The following NUP210 variants were observed in gnomAD, a reference collection of about 807,000 sequenced individuals.
NUP210 encodes the protein nuclear pore membrane glycoprotein 210.
A neutral mutation model predicts 196.0 loss-of-function variants in NUP210; 151 were observed. The ratio of observed to expected loss-of-function variants is 0.77; its 90% CI spans 0.67 to 0.88. The LOEUF (loss-of-function observed/expected upper bound fraction) is 0.88. Among genes scored for constraint, NUP210 ranks in the 40% least tolerant of loss-of-function variants. The probability of loss-of-function intolerance (pLI) is 0.00; values close to 1 mark genes in which losing one functional copy is unlikely to be tolerated. For synonymous variants in NUP210, 1,070 were observed against 1,052.7 expected (o/e 1.02, Z -0.32); for missense variants, 2,314 against 2,493.7 (o/e 0.93, Z 1.53).
At chr3:13,372,639 G>A (rs975688844) in intron 12 of NUP210, among the ~76,000 whole-genome samples, 1 of 152,182 alleles carries the variant, frequency 6.6e-6, no homozygotes, top group African/African-American at 2.4e-5. Context: ...GCTGGAGCCA[G>A]GAGAGAGGTA....
In NUP210 at chr3:13,320,632, C is replaced by CAA. The variant is rs35982089; in HGVS notation, c.5167-655_5167-654dup. ...TGGGCGACAGAGCGAGACTCCGTCT[C>CAA]AAAAAAAAAAAAAAAAAAACTTTGG... On this transcript the variant is annotated intron_variant, in intron 36 of 39. Transcript: ENST00000254508. 3.2e-3 allele frequency among the ~76,000 whole-genome samples: 218 copies of CAA among 67,330 alleles called. 5 individuals are homozygous for CAA. The South Asian group carries it at 0.039, about 12-fold the overall frequency. The allele number at this position is 67,330 out of a possible 152,430, so 44.2% of individuals were successfully genotyped here. A position where few individuals can be genotyped will look rare whatever the true frequency, so the allele number is the denominator to read the frequency against.
chr3:13,354,114 G>A lies in NUP210; in HGVS notation c.2329-7C>T, dbSNP rs1255764271. On this transcript the variant is annotated splice_region_variant and splice_polypyrimidine_tract_variant and intron_variant, in intron 16 of 39. Coordinates refer to ENST00000254508, the MANE Select transcript of NUP210 (RefSeq NM_024923.4). ...GGTGGCTGGACACTGGGACCTGCAG[G>A]GAACACAGGTCAGATGTTGTGGTCA... is the stretch of plus-strand genomic sequence containing the variant. 1.3e-6 allele frequency: 2 copies of A among 1,579,672 alleles called. No homozygotes were observed. Among genetic ancestry groups the A allele is most frequent in the East Asian group, 2.3e-5 (1 of 42,760 alleles).
At position 13,373,801 on chromosome 3, in the gene NUP210, C is replaced by T. The variant is rs775075188; in HGVS notation, c.1504G>A (p.Val502Met). 19 of 1,613,996 alleles carry T rather than the reference C, an allele frequency of 1.2e-5. No individual in the cohort carries two copies. The East Asian group carries it at 2.2e-4, about 19-fold the overall frequency. The change falls in exon 12 of 40, where the codon GTG becomes ATG. Residue 502 changes from valine (V) to methionine (M), a missense_variant. Coordinates refer to ENST00000254508, the MANE Select transcript of NUP210 (RefSeq NM_024923.4). ...HLVATVTVKG[V>M]MTTGSDIGFS... Reference sequence around the variant, plus strand: ...CCGATGTCACTGCCTGTGGTCATCACGCCCTTGACAGTAACTGTGGCAACC... The same window carrying T: ...CCGATGTCACTGCCTGTGGTCATCATGCCCTTGACAGTAACTGTGGCAACC...
chr3:13,405,539 C>T (rs768710937), intron 1 of NUP210, among the ~76,000 whole-genome samples: 3 of 151,676 alleles, frequency 2.0e-5, no homozygotes, highest in Non-Finnish European at 4.4e-5. Flanking sequence ...ATATATATAG[C>T]CTATTGAATA....
intron 1 of NUP210, among the ~76,000 whole-genome samples, chr3:13,410,639 C>G (rs1376952384): frequency 1.3e-5 from 2 of 150,694 alleles, no homozygotes; most frequent in Admixed American, 1.3e-4. Flanking sequence ...ACAAAAAGGC[C>G]GGGCACGGTG....
chr3:13,381,168 C>T (rs1053487320), intron 6 of NUP210, among the ~76,000 whole-genome samples: 4 of 152,248 alleles, frequency 2.6e-5, no homozygotes, highest in Non-Finnish European at 4.4e-5. Flanking sequence ...AGATAAATGT[C>T]AGAATAAAAT....
Position 13,336,935 on chromosome 3 carries a change from A to T in NUP210, c.3553-17T>A, listed in dbSNP as rs532630688. On this transcript the variant is annotated splice_polypyrimidine_tract_variant and intron_variant, in intron 26 of 39. Coordinates refer to ENST00000254508, the MANE Select transcript of NUP210 (RefSeq NM_024923.4). ...GATGGGCATCTGCAGGGGAGAAGTC[A>T]GGCCCAGTGAGCAGTAGCTCCCAGC... The T allele has an allele frequency of 6.2e-7, 1 of 1,612,436 alleles. No homozygotes were observed. The highest frequency in any genetic ancestry group is 1.3e-5 in the African/African-American group (1 of 75,042).
chr3:13,354,172 A>AGT (rs1698086670), intron 16 of NUP210, 65 bp from the exon 17 acceptor site: 1 of 1,395,334 alleles, frequency 7.2e-7, no homozygotes, highest in Non-Finnish European at 9.8e-7. Context: ...CTGACCACGC[A>AGT]GTGCACTCTG....
At chr3:13,410,444 C>T (rs1700131168) in intron 1 of NUP210, among the ~76,000 whole-genome samples, 1 of 150,794 alleles carries the variant, frequency 6.6e-6, no homozygotes, top group Non-Finnish European at 1.5e-5. Flanking sequence ...TCCCAAAGTG[C>T]TGGGATTACA....
In NUP210 at chr3:13,379,805, C is replaced by T. The variant is rs946847994; in HGVS notation, c.818-84G>A. On this transcript the variant is annotated intron_variant, in intron 6 of 39. Coordinates refer to ENST00000254508, the MANE Select transcript of NUP210 (RefSeq NM_024923.4). This position sits in a 1 kb window ranked among gnomAD's most constrained non-coding sequence, Gnocchi z 4.2. ...GAAGCCAATACACTCCCACTGCCACCCCGAATCTCTGCACTCTGCTCTCAG... is the reference window on the plus strand; with the variant it reads ...GAAGCCAATACACTCCCACTGCCACTCCGAATCTCTGCACTCTGCTCTCAG... The T allele has an allele frequency of 3.3e-6, 4 of 1,210,118 alleles. No homozygotes were observed. The highest frequency in any genetic ancestry group is 5.6e-5 in the Admixed American group (2 of 35,460). 75.0% of individuals were successfully genotyped at this position (1,210,118 alleles called of 1,614,324 possible).
intron 16 of NUP210, 83 bp from the exon 17 acceptor site, chr3:13,354,190 C>A: frequency 1.6e-6 from 2 of 1,224,364 alleles, no homozygotes; most frequent in Non-Finnish European, 2.3e-6. Context: ...CTGAGGCCAG[C>A]AGCTGCCCTG....
At chr3:13,366,766 C>A (rs940405658) in intron 13 of NUP210, among the ~76,000 whole-genome samples, 1 of 151,570 alleles carries the variant, frequency 6.6e-6, no homozygotes, top group East Asian at 2.0e-4. Flanking sequence ...ATCCACCCCC[C>A]TCAGCCTCCC....
At position 13,347,291 on chromosome 3, in the gene NUP210, A is replaced by G; in HGVS notation, c.2836-3988T>C. 1 of 985,402 alleles carries G rather than the reference A, an allele frequency of 1.0e-6. No individual in the cohort carries two copies. The highest frequency in any genetic ancestry group is 4.7e-5 in the South Asian group (1 of 21,290). 61.0% of individuals were successfully genotyped at this position (985,402 alleles called of 1,614,324 possible). On this transcript the variant is annotated intron_variant, in intron 20 of 39. Coordinates refer to ENST00000254508, the MANE Select transcript of NUP210 (RefSeq NM_024923.4). The surrounding 1 kb of genome is among the most constrained non-coding windows in gnomAD (Gnocchi z 4.7). ...TAAGCACTCCAGCGTCTCTGAGTGC[A>G]CGAGTTAATGGGAAATGTAAAGTGC...
intron 22 of NUP210, 56 bp downstream of exon 22, chr3:13,341,940 A>G: frequency 6.2e-7 from 1 of 1,613,414 alleles, no homozygotes; most frequent in Non-Finnish European, 8.5e-7. Flanking sequence ...GAAAGGCTGC[A>G]GCTGGGGTCA....
chr3:13,320,176 TGGGCA>T (rs1364742318), intron 36 of NUP210, among the ~76,000 whole-genome samples, 197 bp from the exon 37 acceptor site: 1 of 152,162 alleles, frequency 6.6e-6, no homozygotes, highest in Non-Finnish European at 1.5e-5. Context: ...TCACATCTCA[TGGGCA>T]GGTAATGACA....
At chr3:13,407,792 C>T (rs1186721090) in intron 1 of NUP210, among the ~76,000 whole-genome samples, 2 of 152,162 alleles carry the variant, frequency 1.3e-5, no homozygotes, top group Admixed American at 1.3e-4. Context: ...GGCATTCATC[C>T]ACTTATTGAA....
At chr3:13,355,966 A>T (rs945796888) in intron 16 of NUP210, among the ~76,000 whole-genome samples, 1 of 152,216 alleles carries the variant, frequency 6.6e-6, no homozygotes, top group African/African-American at 2.4e-5. Flanking sequence ...TTAAATGTTG[A>T]ATGACTTGTC....
At chr3:13,402,094 G>T (rs1323961424) in intron 1 of NUP210, among the ~76,000 whole-genome samples, 2 of 152,170 alleles carry the variant, frequency 1.3e-5, no homozygotes. Context: ...AGCTACATGG[G>T]AGGCTGTGGG....
At chr3:13,371,798 C>T (rs558060190) in intron 13 of NUP210, 36 bp downstream of exon 13, 2 of 1,560,186 alleles carry the variant, frequency 1.3e-6, no homozygotes, top group East Asian at 4.7e-5. Context: ...GGCCCCAATC[C>T]CAGTATCTGG....
Sources: gnomAD v4.1 joint callset for allele counts (sites outside exome capture counted in the v4.1 genomes callset) on GRCh38, gnomAD v4.1.1 for gene constraint, Gnocchi (gnomAD v3.1) non-coding constraint, MANE v1.5 for transcripts, NCBI Gene and HGNC (gene_info 2026-07-23, HGNC 2026-07-21) for gene names.